The following DOCK11 variants were observed in gnomAD, a reference collection of about 807,000 sequenced individuals.
DOCK11 encodes dedicator of cytokinesis protein 11.
A neutral mutation model predicts 169.1 loss-of-function variants in DOCK11; 70 were observed. The ratio of observed to expected loss-of-function variants is 0.41; its 90% CI spans 0.34 to 0.51. DOCK11 has a LOEUF of 0.51. Among genes scored for constraint, DOCK11 ranks in the 20% least tolerant of loss-of-function variants. DOCK11 has a pLI of 0.10. For missense variants in DOCK11, 1,166 were observed against 1,538.8 expected (o/e 0.76, Z 4.05); for synonymous variants, 529 against 541.3 (o/e 0.98, Z 0.32).
intron 1 of DOCK11, among the ~76,000 whole-genome samples, chrX:118,530,170 A>G (rs1205002199): frequency 8.9e-6 from 1 of 112,799 alleles, no homozygotes; most frequent in Non-Finnish European, 1.9e-5. Flanking sequence ...AGGACAATGC[A>G]AACATTTTCT....
chrX:118,648,866 G>A (rs2015878464), intron 40 of DOCK11, 79 bp from the exon 41 acceptor site: 1 of 904,424 alleles, frequency 1.1e-6, no homozygotes, highest in South Asian at 2.7e-5. Context: ...TTTTAGGTGA[G>A]GATATAGAGG....
At chrX:118,497,028 C>G (rs769615274) in intron 1 of DOCK11, among the ~76,000 whole-genome samples, 63 of 112,755 alleles carry the variant, frequency 5.6e-4, no homozygotes, top group Non-Finnish European at 9.7e-4. Flanking sequence ...TTTCAAGACA[C>G]TCGTTGCCAG....
chrX:118,500,311 G>C (rs1156481702), intron 1 of DOCK11, among the ~76,000 whole-genome samples: 1 of 111,470 alleles, frequency 9.0e-6, no homozygotes, highest in Non-Finnish European at 1.9e-5. Context: ...GTCTCTCAAA[G>C]TGCTGGGATT....
chrX:118,533,951 T>G (rs2011667006), intron 1 of DOCK11, among the ~76,000 whole-genome samples: 1 of 112,439 alleles, frequency 8.9e-6, no homozygotes, highest in Non-Finnish European at 1.9e-5. Flanking sequence ...GTTAAATTCT[T>G]TGATTTGTTA....
intron 1 of DOCK11, among the ~76,000 whole-genome samples, chrX:118,514,667 C>T (rs979230829): frequency 8.9e-6 from 1 of 111,884 alleles, no homozygotes; most frequent in African/African-American, 3.3e-5. Context: ...CACATTGAAC[C>T]ATCACACTTT....
In DOCK11 at chrX:118,636,500, T is replaced by C. The variant is rs924243525; in HGVS notation, c.3953+88T>C. ...AATTTTTTCTGTTTTTAATAGCTTA[T>C]TTGCTAATAATGTAGAAAATGTTAA... On this transcript the variant is annotated intron_variant, in intron 36 of 52. Coordinates refer to ENST00000276202, the MANE Select transcript of DOCK11 (RefSeq NM_144658.4). The C allele has an allele frequency of 6.4e-5, 26 of 404,685 alleles. No individual in the cohort carries two copies. In the African/African-American group the frequency reaches 6.5e-4, roughly 10 times the overall value. The allele number at this position is 404,685 out of a possible 1,213,427, so 33.4% of individuals were successfully genotyped here.
At chrX:118,550,164 C>T (rs2012443157) in intron 6 of DOCK11, among the ~76,000 whole-genome samples, 1 of 111,704 alleles carries the variant, frequency 9.0e-6, no homozygotes, top group South Asian at 3.7e-4. Context: ...TTGGGCCAGG[C>T]GTGGTAGTTC....
chrX:118,642,310 A>T (rs1047719904), intron 39 of DOCK11, among the ~76,000 whole-genome samples: 3 of 111,664 alleles, frequency 2.7e-5, no homozygotes, highest in Non-Finnish European at 3.8e-5. Flanking sequence ...TCACTTTTTC[A>T]TTGTGAGGCT....
At chrX:118,593,002 T>C (rs932428209) in intron 19 of DOCK11, among the ~76,000 whole-genome samples, 1 of 112,622 alleles carries the variant, frequency 8.9e-6, no homozygotes, top group African/African-American at 3.2e-5. Flanking sequence ...CCAGCAAAAG[T>C]AATAAATCAA....
intron 12 of DOCK11, among the ~76,000 whole-genome samples, chrX:118,577,253 G>C (rs1183397690): frequency 8.9e-6 from 1 of 112,384 alleles, no homozygotes; most frequent in East Asian, 2.8e-4. Context: ...AGCCCGGGCA[G>C]TCTGCCAACC....
intron 32 of DOCK11, among the ~76,000 whole-genome samples, chrX:118,626,092 G>A (rs1249060431): frequency 3.0e-5 from 3 of 100,890 alleles, no homozygotes; most frequent in Non-Finnish European, 6.0e-5. Flanking sequence ...TTGAGACAGA[G>A]TCTAAGTCTG....
intron 6 of DOCK11, among the ~76,000 whole-genome samples, chrX:118,546,509 T>C (rs921584896): frequency 3.6e-5 from 4 of 111,889 alleles, no homozygotes; most frequent in African/African-American, 1.3e-4. Flanking sequence ...TGGGGAAATA[T>C]GTAGATATCT....
intron 6 of DOCK11, among the ~76,000 whole-genome samples, chrX:118,548,888 G>C (rs2012380938): frequency 8.9e-6 from 1 of 112,096 alleles, no homozygotes. Context: ...TGTTCAGCTT[G>C]TGTGTTTCTT....
At position 118,598,038 on chromosome X, in the gene DOCK11, C is replaced by T. The variant is rs142680785; in HGVS notation, c.2394C>T (p.Asn798=). The change falls in exon 22 of 53, where the codon AAC becomes AAT. Residue 798 remains asparagine (N), a synonymous_variant. Coordinates refer to ENST00000276202, the MANE Select transcript of DOCK11 (RefSeq NM_144658.4). ...LNDAESRRQC[N]VDIKWVDGAK... ...CAATTTTCTGTTCACAGCAATGTAA[C>T]GTGGATATTAAATGGGTAGATGGTG... is the stretch of plus-strand genomic sequence containing the variant. 1.0e-5 allele frequency: 12 copies of T among 1,184,598 alleles called. No homozygotes were observed. Among genetic ancestry groups the T allele is most frequent in the African/African-American group, 5.3e-5 (3 of 56,851 alleles).
At chrX:118,517,284 G>A (rs1346969668) in intron 1 of DOCK11, among the ~76,000 whole-genome samples, 1 of 109,090 alleles carries the variant, frequency 9.2e-6, no homozygotes, top group Non-Finnish European at 1.9e-5. Context: ...TTGTGAGTCT[G>A]AGGCAAGAGG....
intron 40 of DOCK11, among the ~76,000 whole-genome samples, chrX:118,648,157 T>A (rs1473575974): frequency 2.5e-5 from 2 of 79,451 alleles, no homozygotes; most frequent in Non-Finnish European, 4.5e-5. Context: ...TAATATATAA[T>A]AATATAATAT....
intron 1 of DOCK11, 150 bp from the exon 2 acceptor site, chrX:118,542,575 A>G: frequency 2.1e-6 from 1 of 474,266 alleles, no homozygotes; most frequent in Non-Finnish European, 3.7e-6. Flanking sequence ...CTAGCTATGA[A>G]GACTATTTCT....
chrX:118,525,439 A>T (rs896843751), intron 1 of DOCK11, among the ~76,000 whole-genome samples: 1 of 111,858 alleles, frequency 8.9e-6, no homozygotes, highest in African/African-American at 3.2e-5. Context: ...GACAAATTTT[A>T]TATGATTCCA....
intron 6 of DOCK11, among the ~76,000 whole-genome samples, chrX:118,552,641 G>T (rs967908747): frequency 3.6e-5 from 4 of 112,259 alleles, no homozygotes; most frequent in Non-Finnish European, 7.5e-5. Context: ...CGAATAATGT[G>T]CATCACTCCA....
Sources: gnomAD v4.1 joint callset for allele counts (sites outside exome capture counted in the v4.1 genomes callset) on GRCh38, gnomAD v4.1.1 for gene constraint, MANE v1.5 for transcripts, NCBI Gene and HGNC (gene_info 2026-07-23, HGNC 2026-07-21) for gene names.